Variants in FBH1 observed in about 807,000 individuals in gnomAD.
FBH1 encodes the protein DNA 3'-5' helicase 1.
A neutral mutation model predicts 115.5 loss-of-function variants in FBH1; 43 were observed. The observed-to-expected ratio is 0.37, with a 90% CI of 0.29 to 0.48. FBH1 has a LOEUF of 0.48. Among genes scored for constraint, FBH1 ranks in the 20% least tolerant of loss-of-function variants. The pLI is 0.99. For missense variants in FBH1, 1,001 were observed against 1,337.3 expected, an observed-to-expected ratio of 0.75 and a Z score of 3.92; for synonymous variants, 524 against 507.8, an observed-to-expected ratio of 1.03 and a Z score of -0.43.
chr10:5,896,495 C>T (rs1350914567), intron 1 of FBH1, among the ~76,000 whole-genome samples: 1 of 152,124 alleles, frequency 6.6e-6, no homozygotes, highest in African/African-American at 2.4e-5. Context: ...AATGAGCTTA[C>T]TTAAGCCTAG....
In FBH1 at chr10:5,915,678, T is replaced by G. The variant is rs1216719613; in HGVS notation, c.1565+107T>G. On this transcript the variant is annotated intron_variant, in intron 9 of 20. Transcript: ENST00000362091. The surrounding 1 kb of genome is among the most constrained non-coding windows in gnomAD (Gnocchi z 5.2). ...CTTACACCACAGTGACCCCGAGGAG[T>G]GTAGTGCTGTTATCTCCACTTACAG... 3.0e-6 allele frequency: 3 copies of G among 1,004,244 alleles called. No homozygotes were observed. The highest frequency in any genetic ancestry group is 4.4e-6 in the Non-Finnish European group (3 of 674,630). The allele number at this position is 1,004,244 out of a possible 1,614,324, so 62.2% of individuals were successfully genotyped here.
chr10:5,890,236 G>C (rs1842614972), upstream of FBH1: 2 of 358,860 alleles, frequency 5.6e-6, no homozygotes, highest in Non-Finnish European at 1.0e-5. Context: ...GGCGTCTCGG[G>C]CTCCAGGTCC....
rs530211167 is a variant in FBH1 at position 5,913,059 on chromosome 10, G to A, written c.1212-688G>A. 3.0e-4 allele frequency among the ~76,000 whole-genome samples: 46 copies of A among 152,096 alleles called. No individual in the cohort carries two copies. The highest frequency in any genetic ancestry group is 5.9e-4 in the Non-Finnish European group (40 of 68,008). On this transcript the variant is annotated intron_variant, in intron 6 of 20. Coordinates refer to ENST00000362091, the MANE Select transcript of FBH1 (RefSeq NM_178150.3). The surrounding 1 kb of genome is among the most constrained non-coding windows in gnomAD (Gnocchi z 4.4). ...GGGGAGCGAGTCCAAGCTCACCCCC[G>A]GTCTCCCCCACAGTCCAGGGGAGAC...
In FBH1 at chr10:5,918,602, T is replaced by A; in HGVS notation, c.2100+124T>A. ...CAAATCCTTGCTTCTAAGCCATGGT[T>A]CTCAAAGTGTGGTTCTCAGGGGTCT... On this transcript the variant is annotated intron_variant, in intron 13 of 20. Coordinates refer to ENST00000362091, the MANE Select transcript of FBH1 (RefSeq NM_178150.3). This position sits in a 1 kb window ranked among gnomAD's most constrained non-coding sequence, Gnocchi z 4.0. The A allele has an allele frequency of 7.9e-7, 1 of 1,273,476 alleles. No individual in the cohort carries two copies. Among genetic ancestry groups the A allele is most frequent in the Non-Finnish European group, 1.0e-6 (1 of 963,354 alleles). The allele number at this position is 1,273,476 out of a possible 1,614,324, so 78.9% of individuals were successfully genotyped here. A position where few individuals can be genotyped will look rare whatever the true frequency, so the allele number is the denominator to read the frequency against.
At chr10:5,899,022 A>C (rs1343969438) in intron 1 of FBH1, among the ~76,000 whole-genome samples, 1 of 152,244 alleles carries the variant, frequency 6.6e-6, no homozygotes, top group Non-Finnish European at 1.5e-5. Flanking sequence ...AAAACGTTCC[A>C]GGGTTCACCC....
Position 5,911,170 on chromosome 10 carries a change from G to A in FBH1, c.1211+42G>A, listed in dbSNP as rs1157480255. ...AGGGGAGGGGATGCTGTGATAATGGGAGAGTCCCAGACACAGCAGCAGGTC... is the reference window on the plus strand; with the variant it reads ...AGGGGAGGGGATGCTGTGATAATGGAAGAGTCCCAGACACAGCAGCAGGTC... On this transcript the variant is annotated intron_variant, in intron 6 of 20. Transcript: ENST00000362091. This position sits in a 1 kb window ranked among gnomAD's most constrained non-coding sequence, Gnocchi z 5.4. 1.5e-5 allele frequency: 24 copies of A among 1,569,812 alleles called. No homozygotes were observed. The Admixed American group carries it at 2.6e-4, about 17-fold the overall frequency.
At chr10:5,908,462 C>G (rs747339868) in intron 3 of FBH1, among the ~76,000 whole-genome samples, 17 of 152,196 alleles carry the variant, frequency 1.1e-4, no homozygotes, top group Non-Finnish European at 2.5e-4. Flanking sequence ...GAACCAAGAC[C>G]AAGACCCAGT....
In FBH1 at chr10:5,921,238, C is replaced by G; in HGVS notation, c.2101-20C>G. 6.2e-7 allele frequency: 1 copy of G among 1,612,566 alleles called. No homozygotes were observed. The highest frequency in any genetic ancestry group is 8.5e-7 in the Non-Finnish European group (1 of 1,178,742). On this transcript the variant is annotated intron_variant, in intron 13 of 20. Transcript: ENST00000362091. This position sits in a 1 kb window ranked among gnomAD's most constrained non-coding sequence, Gnocchi z 6.4. ...CACCACAGGGCGGGCTGCTGACTCC[C>G]TCTGTCTTGTTGTTTTCAGAGTTTT...
chr10:5,923,983 A>G lies in FBH1; in HGVS notation c.2398+287A>G. 1 of 558,036 alleles carries G rather than the reference A, an allele frequency of 1.8e-6. No homozygotes were observed. Among genetic ancestry groups the G allele is most frequent in the Non-Finnish European group, 3.2e-6 (1 of 314,614 alleles). The allele number at this position is 558,036 out of a possible 1,614,324, so 34.6% of individuals were successfully genotyped here. On this transcript the variant is annotated intron_variant, in intron 16 of 20. Transcript: ENST00000362091. This position sits in a 1 kb window ranked among gnomAD's most constrained non-coding sequence, Gnocchi z 5.7. The stretch of plus-strand genomic sequence containing the variant: ...TCTGCCTGGGCCAATTTATACGTTG[A>G]TACTTCCACGTGGGCCCCAAGTGAT...
In FBH1 at chr10:5,916,368, C is replaced by T; in HGVS notation, c.1700C>T (p.Ala567Val). The change falls in exon 10 of 21, where the codon GCT becomes GTT. Residue 567 changes from alanine (A) to valine (V), a missense_variant. By Grantham distance (64) the Ala-to-Val change is moderately conservative. Around this residue, in one of 4 missense-constraint regions of FBH1, gnomAD observed 521 missense variants for 811.0 expected, o/e 0.64. Transcript: ENST00000362091. Reference sequence around the variant, plus strand: ...ACTCTAGAAAACTTCTTTGCCTCGGCTGACGAAGAGCTGACCATTGATCAC... The same window carrying T: ...ACTCTAGAAAACTTCTTTGCCTCGGTTGACGAAGAGCTGACCATTGATCAC... ...CKTLENFFAS[A>V]DEELTIDHVP... The T allele has an allele frequency of 6.2e-7, 1 of 1,614,236 alleles. No homozygotes were observed. The highest frequency in any genetic ancestry group is 1.1e-5 in the South Asian group (1 of 91,088).
In FBH1 at chr10:5,910,009, T is replaced by C. The variant is rs948267233; in HGVS notation, c.1020+715T>C. 1.3e-5 allele frequency among the ~76,000 whole-genome samples: 2 copies of C among 152,134 alleles called. No homozygotes were observed. The highest frequency in any genetic ancestry group is 1.3e-4 in the Admixed American group (2 of 15,278). ...ACTTAAGAATGGTAAAGGCTGGGCG[T>C]GGTGGCTCACGCCTGTTATCCCAGC... On this transcript the variant is annotated intron_variant, in intron 5 of 20. Coordinates refer to ENST00000362091, the MANE Select transcript of FBH1 (RefSeq NM_178150.3). The surrounding 1 kb of genome is among the most constrained non-coding windows in gnomAD (Gnocchi z 4.8).
chr10:5,917,260 A>T lies in FBH1; in HGVS notation c.1789-160A>T, dbSNP rs1832022985. The T allele has an allele frequency of 3.2e-6, 2 of 628,282 alleles. No homozygotes were observed. Among genetic ancestry groups the T allele is most frequent in the Non-Finnish European group, 2.9e-6 (1 of 346,088 alleles). The allele number at this position is 628,282 out of a possible 1,614,324, so 38.9% of individuals were successfully genotyped here. On this transcript the variant is annotated intron_variant, in intron 10 of 20. Coordinates refer to ENST00000362091, the MANE Select transcript of FBH1 (RefSeq NM_178150.3). This position sits in a 1 kb window ranked among gnomAD's most constrained non-coding sequence, Gnocchi z 5.6. ...GCACTGGAGACCCTCTGGCGTGGAG[A>T]GGCTGTTGAGGAGACCCAGGAGGTT...
chr10:5,935,722 A>C lies in FBH1; in HGVS notation c.2830-734A>C, dbSNP rs1483891917. 5 of 152,226 alleles carry C rather than the reference A, an allele frequency of 3.3e-5. No homozygotes were observed. Among genetic ancestry groups the C allele is most frequent in the African/African-American group, 1.2e-4 (5 of 41,480 alleles). 9.4% of individuals were successfully genotyped at this position (152,226 alleles called of 1,614,324 possible). ...AATAAGTAGATCAATAGCTGGTCAT[A>C]ATCCAGAAAATACGAAACCGTCCTT... On this transcript the variant is annotated intron_variant, in intron 19 of 20. Coordinates refer to ENST00000362091, the MANE Select transcript of FBH1 (RefSeq NM_178150.3). The surrounding 1 kb of genome is among the most constrained non-coding windows in gnomAD (Gnocchi z 5.2).
Position 5,921,257 on chromosome 10 carries a change from G to C in FBH1, c.2101-1G>C. 6.2e-7 allele frequency: 1 copy of C among 1,614,028 alleles called. No individual in the cohort carries two copies. The highest frequency in any genetic ancestry group is 8.5e-7 in the Non-Finnish European group (1 of 1,179,944). ...GACTCCCTCTGTCTTGTTGTTTTCAGAGTTTTCGGTTTGGTGTGGAAATAG... is the reference window on the plus strand; with the variant it reads ...GACTCCCTCTGTCTTGTTGTTTTCACAGTTTTCGGTTTGGTGTGGAAATAG... On this transcript the variant is annotated splice_acceptor_variant, in intron 13 of 20. Transcript: ENST00000362091. LOFTEE classifies it high-confidence loss of function. The surrounding 1 kb of genome is among the most constrained non-coding windows in gnomAD (Gnocchi z 6.4).
At position 5,917,257 on chromosome 10, in the gene FBH1, G is replaced by A; in HGVS notation, c.1789-163G>A. 3.2e-6 allele frequency: 2 copies of A among 628,458 alleles called. No homozygotes were observed. The highest frequency in any genetic ancestry group is 5.5e-5 in the East Asian group (2 of 36,126). The allele number at this position is 628,458 out of a possible 1,614,324, so 38.9% of individuals were successfully genotyped here. A position where few individuals can be genotyped will look rare whatever the true frequency, so the allele number is the denominator to read the frequency against. On this transcript the variant is annotated intron_variant, in intron 10 of 20. Coordinates refer to ENST00000362091, the MANE Select transcript of FBH1 (RefSeq NM_178150.3). This position sits in a 1 kb window ranked among gnomAD's most constrained non-coding sequence, Gnocchi z 5.6. ...TCAGCACTGGAGACCCTCTGGCGTG[G>A]AGAGGCTGTTGAGGAGACCCAGGAG...
rs1431846323 is a variant in FBH1, at chr10:5,900,451, C to T, written c.2-2569C>T. Among the ~76,000 whole-genome samples, 7 of 152,208 alleles carry T rather than the reference C, an allele frequency of 4.6e-5. No homozygotes were observed. Among genetic ancestry groups the T allele is most frequent in the Admixed American group, 3.3e-4 (5 of 15,284 alleles). On this transcript the variant is annotated intron_variant, in intron 1 of 20. Coordinates refer to ENST00000362091, the MANE Select transcript of FBH1 (RefSeq NM_178150.3). The surrounding 1 kb of genome is among the most constrained non-coding windows in gnomAD (Gnocchi z 4.2). ...CAGCCCAGCCCTCCCGCCAGGCCCT[C>T]GCCGGCTCACCACGCTGCGCTGTGC... is the stretch of plus-strand genomic sequence containing the variant.
intron 1 of FBH1, among the ~76,000 whole-genome samples, chr10:5,902,286 A>C (rs1843395370): frequency 6.6e-6 from 1 of 152,062 alleles, no homozygotes; most frequent in Non-Finnish European, 1.5e-5. Context: ...GCTTCTAGTT[A>C]TGTGCTTTTC....
At position 5,924,890 on chromosome 10, in the gene FBH1, G is replaced by A. The variant is rs1035037201; in HGVS notation, c.2596+382G>A. 1.8e-5 allele frequency: 7 copies of A among 378,964 alleles called. No individual in the cohort carries two copies. The highest frequency in any genetic ancestry group is 3.6e-5 in the Non-Finnish European group (7 of 192,356). The allele number at this position is 378,964 out of a possible 1,614,324, so 23.5% of individuals were successfully genotyped here. ...CTCTTCTGCTGTTTCTTCCCTGTGT[G>A]GAATATCTTTGAGCAAGGATGGCTT... On this transcript the variant is annotated intron_variant, in intron 17 of 20. Transcript: ENST00000362091. The surrounding 1 kb of genome is among the most constrained non-coding windows in gnomAD (Gnocchi z 6.2).
At position 5,915,968 on chromosome 10, in the gene FBH1, C is replaced by T. The variant is rs539614062; in HGVS notation, c.1566-266C>T. ...CATCAGGGAACTCCAAGGGTCCCTCCGGGGACCTTCTGGAGCCCAGCTTCA... is the reference window on the plus strand; with the variant it reads ...CATCAGGGAACTCCAAGGGTCCCTCTGGGGACCTTCTGGAGCCCAGCTTCA... On this transcript the variant is annotated intron_variant, in intron 9 of 20. Coordinates refer to ENST00000362091, the MANE Select transcript of FBH1 (RefSeq NM_178150.3). The surrounding 1 kb of genome is among the most constrained non-coding windows in gnomAD (Gnocchi z 5.2). 14 of 511,086 alleles carry T rather than the reference C, an allele frequency of 2.7e-5. No homozygotes were observed. The highest frequency in any genetic ancestry group is 1.4e-4 in the Admixed American group (4 of 29,246). 31.7% of individuals were successfully genotyped at this position (511,086 alleles called of 1,614,324 possible). A position where few individuals can be genotyped will look rare whatever the true frequency, so the allele number is the denominator to read the frequency against.
Sources: allele counts gnomAD v4.1 joint callset (sites outside exome capture counted in the v4.1 genomes callset), GRCh38; gene constraint gnomAD v4.1.1; regional missense constraint gnomAD v4.1.1; non-coding constraint Gnocchi (gnomAD v3.1); transcripts MANE v1.5; gene names NCBI Gene and HGNC (gene_info 2026-07-23, HGNC 2026-07-21).